The following ZNF592 variants were observed in gnomAD, a reference collection of about 807,000 sequenced individuals.
ZNF592 encodes the protein zinc finger protein 592.
Under a neutral mutation model 80.3 loss-of-function variants are expected in ZNF592, and 11 were observed. The observed-to-expected ratio is 0.14, with a 90% confidence interval of 0.09 to 0.23. The LOEUF (loss-of-function observed/expected upper bound fraction) is 0.23, where lower values mean the gene tolerates loss of function less well. Among genes scored for constraint, ZNF592 ranks in the 10% least tolerant of loss-of-function variants. The probability of loss-of-function intolerance (pLI) is 1.00; values close to 1 mark genes in which losing one functional copy is unlikely to be tolerated. For synonymous variants in ZNF592, 646 were observed against 640.3 expected (o/e 1.01, Z -0.13); for missense variants, 1,420 against 1,633.9 (o/e 0.87, Z 2.26).
At position 84,783,898 on chromosome 15, in the gene ZNF592, C is replaced by T; in HGVS notation, c.1223C>T (p.Ser408Leu). ...GATCCAAGTAAGTCCCCTGTTGGGT[C>T]ACCTCTAGGGAGCGCCATTGCAGAG... ...PDDPSKSPVG[S>L]PLGSAIAEAP... is the part of the protein sequence containing the mutation. The change falls in exon 4 of 11, where the codon TCA becomes TTA. Residue 408 changes from serine to leucine, a missense_variant. Coordinates refer to ENST00000560079, the MANE Select transcript of ZNF592 (RefSeq NM_014630.3). The surrounding 1 kb of genome is among the most constrained non-coding windows in gnomAD (Gnocchi z 5.0). 6.2e-7 allele frequency: 1 copy of T among 1,614,184 alleles called. No homozygotes were observed.
Position 84,784,901 on chromosome 15 carries a change from C to T in ZNF592, c.2220+6C>T, listed in dbSNP as rs1388366758. On this transcript the variant is annotated splice_donor_region_variant and intron_variant, in intron 4 of 10. Transcript: ENST00000560079. This position sits in a 1 kb window ranked among gnomAD's most constrained non-coding sequence, Gnocchi z 5.8. ...CAGAGGAGACAGAGGGGCTGGTAAG[C>T]AGACCCTCACTGTTACGGGTATCGG... 1.9e-6 allele frequency: 3 copies of T among 1,614,108 alleles called. No homozygotes were observed. Among genetic ancestry groups the T allele is most frequent in the Non-Finnish European group, 2.5e-6 (3 of 1,180,028 alleles).
chr15:84,752,938 C>T (rs561937619), intron 1 of ZNF592, among the ~76,000 whole-genome samples: 35 of 152,286 alleles, frequency 2.3e-4, no homozygotes, highest in South Asian at 1.4e-3. Flanking sequence ...ATGTTTCTGT[C>T]CTCTGGCCAT....
At position 84,798,188 on chromosome 15, in the gene ZNF592, G is replaced by A. The variant is rs1962976149; in HGVS notation, c.2577-127G>A. The A allele has an allele frequency of 6.4e-7, 1 of 1,562,294 alleles. No homozygotes were observed. On this transcript the variant is annotated intron_variant, in intron 6 of 10. Transcript: ENST00000560079. This position sits in a 1 kb window ranked among gnomAD's most constrained non-coding sequence, Gnocchi z 4.5. ...GTCGTACTAAGGATGTCCTGAGGCA[G>A]GGGAGCATCCACATTGGCTCAGGGT...
chr15:84,784,671 C>T lies in ZNF592; in HGVS notation c.1996C>T (p.Pro666Ser), dbSNP rs1962537209. 8.1e-6 allele frequency: 13 copies of T among 1,614,128 alleles called. No homozygotes were observed. The highest frequency in any genetic ancestry group is 1.1e-5 in the Non-Finnish European group (13 of 1,180,022). ...ISADQMFVSA[P>S]VNSTAPAAPA... The stretch of plus-strand genomic sequence containing the variant: ...TGCGGACCAAATGTTCGTGTCGGCC[C>T]CTGTGAACTCCACGGCACCAGCAGC... The change falls in exon 4 of 11, where the codon CCT becomes TCT. Residue 666 changes from proline (P) to serine (S), a missense_variant. Pro to Ser is a moderately conservative substitution (Grantham distance 74). Coordinates refer to ENST00000560079, the MANE Select transcript of ZNF592 (RefSeq NM_014630.3). This position sits in a 1 kb window ranked among gnomAD's most constrained non-coding sequence, Gnocchi z 5.8.
intron 1 of ZNF592, among the ~76,000 whole-genome samples, chr15:84,757,070 G>A (rs368224086): frequency 3.3e-5 from 5 of 152,004 alleles, no homozygotes; most frequent in East Asian, 1.9e-4. Flanking sequence ...TCGACATTAC[G>A]CCAGTGTACT....
Position 84,798,312 on chromosome 15 carries a change from C to A in ZNF592, c.2577-3C>A. Reference sequence around the variant, plus strand: ...CCTCACCCCCTAGGGCTTGTCTCATCAGGCTCATTTATAAGTGCTCCTGTG... The same window carrying A: ...CCTCACCCCCTAGGGCTTGTCTCATAAGGCTCATTTATAAGTGCTCCTGTG... On this transcript the variant is annotated splice_region_variant and splice_polypyrimidine_tract_variant and intron_variant, in intron 6 of 10. Coordinates refer to ENST00000560079, the MANE Select transcript of ZNF592 (RefSeq NM_014630.3). This position sits in a 1 kb window ranked among gnomAD's most constrained non-coding sequence, Gnocchi z 4.5. The A allele has an allele frequency of 6.2e-7, 1 of 1,614,174 alleles. No homozygotes were observed. The highest frequency in any genetic ancestry group is 8.5e-7 in the Non-Finnish European group (1 of 1,180,042).
Position 84,798,101 on chromosome 15 carries a change from T to G in ZNF592, c.2576+56T>G. On this transcript the variant is annotated intron_variant, in intron 6 of 10. Transcript: ENST00000560079. The surrounding 1 kb of genome is among the most constrained non-coding windows in gnomAD (Gnocchi z 4.5). ...GTGGAGCAGAGAGGAGTAGCCTGGG[T>G]GCTGTAGGGGGTGGCATAGGGATGG... The G allele has an allele frequency of 6.2e-7, 1 of 1,601,356 alleles. No individual in the cohort carries two copies. Among genetic ancestry groups the G allele is most frequent in the South Asian group, 1.1e-5 (1 of 90,324 alleles).
intron 2 of ZNF592, among the ~76,000 whole-genome samples, chr15:84,773,894 A>G (rs1218315376): frequency 6.6e-6 from 1 of 152,212 alleles, no homozygotes; most frequent in Admixed American, 6.5e-5. Flanking sequence ...CAGCACACGT[A>G]GCTATGGACA....
At position 84,783,367 on chromosome 15, in the gene ZNF592, A is replaced by T; in HGVS notation, c.692A>T (p.Asp231Val). 6.2e-7 allele frequency: 1 copy of T among 1,614,234 alleles called. No homozygotes were observed. The highest frequency in any genetic ancestry group is 8.5e-7 in the Non-Finnish European group (1 of 1,180,056). ...SGQNTVEPHKDPDATRFFGEA... is the reference protein window; with the variant it reads ...SGQNTVEPHKVPDATRFFGEA... Reference sequence around the variant, plus strand: ...CAGAACACAGTGGAACCTCACAAGGATCCGGATGCCACTCGATTCTTCGGG... The same window carrying T: ...CAGAACACAGTGGAACCTCACAAGGTTCCGGATGCCACTCGATTCTTCGGG... The change falls in exon 4 of 11, where the codon GAT becomes GTT. Residue 231 changes from aspartate to valine, a missense_variant. Physicochemically the swap from Asp to Val is radical, Grantham distance 152. Coordinates refer to ENST00000560079, the MANE Select transcript of ZNF592 (RefSeq NM_014630.3). The surrounding 1 kb of genome is among the most constrained non-coding windows in gnomAD (Gnocchi z 5.0).
intron 2 of ZNF592, among the ~76,000 whole-genome samples, chr15:84,765,035 T>C (rs1174552921): frequency 6.6e-6 from 1 of 152,108 alleles, no homozygotes; most frequent in African/African-American, 2.4e-5. Flanking sequence ...CCTGATATCA[T>C]CTCATACTAA....
intron 1 of ZNF592, among the ~76,000 whole-genome samples, chr15:84,756,477 A>G (rs189708129): frequency 6.6e-6 from 1 of 152,364 alleles, no homozygotes; most frequent in East Asian, 1.9e-4. Context: ...AAGCCATCTC[A>G]GGGACATTGT....
intron 3 of ZNF592, among the ~76,000 whole-genome samples, chr15:84,782,253 A>G (rs575306855): frequency 2.3e-4 from 35 of 152,348 alleles, no homozygotes; most frequent in Middle Eastern, 3.4e-3. Flanking sequence ...GCCAGGTTTC[A>G]TGTATTAATC....
rs1432630650 is a variant in ZNF592, at chr15:84,777,694, C to CCTT, written c.-149-489_-149-488insCTT. 1.6e-4 allele frequency among the ~76,000 whole-genome samples: 16 copies of CCTT among 98,418 alleles called. 2 individuals are homozygous for CCTT. The highest frequency in any genetic ancestry group is 3.4e-4 in the African/African-American group (9 of 26,440). The allele number at this position is 98,418 out of a possible 152,430, so 64.6% of individuals were successfully genotyped here. A position where few individuals can be genotyped will look rare whatever the true frequency, so the allele number is the denominator to read the frequency against. Reference sequence around the variant, plus strand: ...GAAAATAATTTCGTCTGTTGAGATACTTTTTTTTTTTTTTTTTTTTTTTGA... The same window carrying CCTT: ...GAAAATAATTTCGTCTGTTGAGATACCTTTTTTTTTTTTTTTTTTTTTTTTTGA... On this transcript the variant is annotated intron_variant, in intron 2 of 10. Transcript: ENST00000560079.
chr15:84,758,225 G>C (rs1267534052), intron 1 of ZNF592, among the ~76,000 whole-genome samples: 1 of 150,894 alleles, frequency 6.6e-6, no homozygotes, highest in Non-Finnish European at 1.5e-5. Context: ...CACCCGCCTC[G>C]GCCTCCCAAA....
At chr15:84,773,203 C>T (rs558687211) in intron 2 of ZNF592, among the ~76,000 whole-genome samples, 34 of 150,278 alleles carry the variant, frequency 2.3e-4, no homozygotes, top group African/African-American at 8.3e-4. Context: ...AACAAGTCAC[C>T]ACCCACCAGG....
At position 84,799,013 on chromosome 15, in the gene ZNF592, T is replaced by C; in HGVS notation, c.3025-85T>C. 2 of 1,594,512 alleles carry C rather than the reference T, an allele frequency of 1.3e-6. No individual in the cohort carries two copies. The highest frequency in any genetic ancestry group is 8.6e-7 in the Non-Finnish European group (1 of 1,162,652). On this transcript the variant is annotated intron_variant, in intron 8 of 10. Transcript: ENST00000560079. The surrounding 1 kb of genome is among the most constrained non-coding windows in gnomAD (Gnocchi z 4.2). ...TGAGGTCTTCGGGAGTATCCTCCTT[T>C]CTGCCCATGGCATCTGAGAAGAAAA...
chr15:84,799,677 G>C lies in ZNF592; in HGVS notation c.3138-165G>C, dbSNP rs374645603. Among the ~76,000 whole-genome samples the C allele has an allele frequency of 6.6e-6, 1 of 152,332 alleles. No individual in the cohort carries two copies. Among genetic ancestry groups the C allele is most frequent in the South Asian group, 2.1e-4 (1 of 4,830 alleles). On this transcript the variant is annotated intron_variant, in intron 9 of 10. Transcript: ENST00000560079. The surrounding 1 kb of genome is among the most constrained non-coding windows in gnomAD (Gnocchi z 4.2). ...AGTGCAAGTATTCTGACGTGCTATT[G>C]TCTGCTACCTTGGCTGGCCTGCTGG...
chr15:84,751,775 C>A (rs534931700), intron 1 of ZNF592, among the ~76,000 whole-genome samples: 1 of 151,876 alleles, frequency 6.6e-6, no homozygotes, highest in Non-Finnish European at 1.5e-5. Flanking sequence ...CATGGTGGCA[C>A]GCGCCTGTAG....
chr15:84,805,357 C>T lies in ZNF592; in HGVS notation c.*2964C>T, dbSNP rs533981496. ...TTCAAGATTTTTTTAAATGGTTGTGCTATCATTTGTCATCATCAGAAAATG... is the reference window on the plus strand; with the variant it reads ...TTCAAGATTTTTTTAAATGGTTGTGTTATCATTTGTCATCATCAGAAAATG... On this transcript the variant is annotated 3_prime_UTR_variant, in exon 11 of 11. Transcript: ENST00000560079. 1 of 152,272 alleles carries T rather than the reference C, an allele frequency of 6.6e-6. No homozygotes were observed. Among genetic ancestry groups the T allele is most frequent in the East Asian group, 1.9e-4 (1 of 5,188 alleles). 9.4% of individuals were successfully genotyped at this position (152,272 alleles called of 1,614,324 possible).
Sources: gnomAD v4.1 joint callset for allele counts (sites outside exome capture counted in the v4.1 genomes callset) on GRCh38, gnomAD v4.1.1 for gene constraint, Gnocchi (gnomAD v3.1) non-coding constraint, MANE v1.5 for transcripts, NCBI Gene and HGNC (gene_info 2026-07-23, HGNC 2026-07-21) for gene names.